RPAP3: variants seen among roughly 807,000 people sequenced by gnomAD.
RPAP3 encodes the protein RNA polymerase II associated protein 3.
A neutral mutation model predicts 88.8 loss-of-function variants in RPAP3; 58 were observed. The ratio of observed to expected loss-of-function variants is 0.65; its 90% confidence interval spans 0.53 to 0.81. RPAP3 has a LOEUF of 0.81. RPAP3 is among the 40% of genes least tolerant of loss of function. The probability of loss-of-function intolerance (pLI) is 0.00; values close to 1 mark genes in which losing one functional copy is unlikely to be tolerated. For synonymous variants in RPAP3, 255 were observed against 259.9 expected (o/e 0.98, Z 0.18); for missense variants, 751 against 764.3 (o/e 0.98, Z 0.20).
intron 5 of RPAP3, among the ~76,000 whole-genome samples, chr12:47,695,072 G>A (rs1592484900): frequency 6.6e-6 from 1 of 152,118 alleles, no homozygotes; most frequent in East Asian, 1.9e-4. Flanking sequence ...AATAAGGAAA[G>A]AAAGGACAGA....
chr12:47,669,870 T>G (rs1213434940), intron 13 of RPAP3, among the ~76,000 whole-genome samples: 1 of 152,122 alleles, frequency 6.6e-6, no homozygotes, highest in Non-Finnish European at 1.5e-5. Flanking sequence ...AAAATCAATT[T>G]TCAAGATACC....
chr12:47,665,469 G>C (rs1057494142), intron 16 of RPAP3, among the ~76,000 whole-genome samples: 1 of 151,270 alleles, frequency 6.6e-6, no homozygotes, highest in Admixed American at 6.6e-5. Context: ...GGGCAGAGTG[G>C]TTGAAAAAAT....
intron 16 of RPAP3, among the ~76,000 whole-genome samples, chr12:47,666,290 C>T (rs1192322482): frequency 6.6e-6 from 1 of 152,164 alleles, no homozygotes; most frequent in Non-Finnish European, 1.5e-5. Context: ...AAAAGAAATA[C>T]AATTCTTCAG....
chr12:47,664,217 G>A (rs1029537104), intron 16 of RPAP3, among the ~76,000 whole-genome samples: 6 of 152,020 alleles, frequency 3.9e-5, no homozygotes, highest in Non-Finnish European at 7.4e-5. Context: ...GTGAAACCCC[G>A]TCTCTACTAA....
At chr12:47,701,020 T>C (rs1327035248) in intron 3 of RPAP3, among the ~76,000 whole-genome samples, 1 of 152,186 alleles carries the variant, frequency 6.6e-6, no homozygotes, top group Non-Finnish European at 1.5e-5. Flanking sequence ...CATATATCTG[T>C]ATCTTAATTG....
In RPAP3 at chr12:47,701,549, T is replaced by C. The variant is rs745374505; in HGVS notation, c.209A>G (p.Lys70Arg). 7.5e-6 allele frequency: 12 copies of C among 1,602,924 alleles called. No individual in the cohort carries two copies. Among genetic ancestry groups the C allele is most frequent in the Middle Eastern group, 1.6e-4 (1 of 6,064 alleles). The change falls in exon 3 of 17, where the codon AAA becomes AGA. Residue 70 changes from lysine to arginine, a missense_variant. Transcript: ENST00000005386. ...NFRKKKKGKA[K>R]ESSKKTREEN... is the part of the protein sequence containing the mutation. Reference sequence around the variant, plus strand: ...CTCTCTGGTTTTTTTGGAAGACTCTTTAGCTTTGCCTTTCTTCTTTTTCCT... The same window carrying C: ...CTCTCTGGTTTTTTTGGAAGACTCTCTAGCTTTGCCTTTCTTCTTTTTCCT...
intron 15 of RPAP3, 33 bp from the exon 16 acceptor site, chr12:47,667,113 A>G: frequency 1.1e-6 from 1 of 947,794 alleles, no homozygotes; most frequent in Non-Finnish European, 1.5e-6. Flanking sequence ...ACAAATGATC[A>G]GTTAAAAGCA....
rs972364364 is a variant in RPAP3, at chr12:47,687,754, T to C, written c.864+122A>G. ...GTCCCAGAGGCTTTAGTGCATTTAATTCCCAATTCCTACTCAAGCAAAACT... is the reference window on the plus strand; with the variant it reads ...GTCCCAGAGGCTTTAGTGCATTTAACTCCCAATTCCTACTCAAGCAAAACT... On this transcript the variant is annotated intron_variant, in intron 8 of 16. Transcript: ENST00000005386. 2.4e-5 allele frequency: 29 copies of C among 1,185,020 alleles called. 1 individual carries two copies. In the East Asian group the frequency reaches 7.0e-4, roughly 28 times the overall value. The allele number at this position is 1,185,020 out of a possible 1,614,324, so 73.4% of individuals were successfully genotyped here. A position where few individuals can be genotyped will look rare whatever the true frequency, so the allele number is the denominator to read the frequency against.
chr12:47,705,020 T>C (rs1040603255), intron 1 of RPAP3, among the ~76,000 whole-genome samples: 6 of 151,872 alleles, frequency 4.0e-5, no homozygotes, highest in Non-Finnish European at 7.4e-5. Context: ...ATGAGTTACG[T>C]AAATGAGATT....
At chr12:47,696,159 A>G (rs1939521643) in intron 5 of RPAP3, 117 bp downstream of exon 5, 1 of 872,156 alleles carries the variant, frequency 1.1e-6, no homozygotes, top group Non-Finnish European at 1.6e-6. Context: ...TACAGTTGAA[A>G]AGAAAATGCA....
At chr12:47,674,995 G>C (rs1939081390) in intron 12 of RPAP3, among the ~76,000 whole-genome samples, 1 of 152,196 alleles carries the variant, frequency 6.6e-6, no homozygotes, top group African/African-American at 2.4e-5. Context: ...GGCAGTCAGA[G>C]AGAAAGGTCG....
rs181070898 is a variant in RPAP3 at position 47,666,887 on chromosome 12, C to G, written c.1912+93G>C. The stretch of plus-strand genomic sequence containing the variant: ...ATATTTAATTAAATATAACCTTATA[C>G]ACAATAAGTAGTCAATAAATGTCAG... On this transcript the variant is annotated intron_variant, in intron 16 of 16. Coordinates refer to ENST00000005386, the MANE Select transcript of RPAP3 (RefSeq NM_024604.3). 3 of 476,086 alleles carry G rather than the reference C, an allele frequency of 6.3e-6. No homozygotes were observed. The Admixed American group carries it at 1.1e-4, about 18-fold the overall frequency. 29.5% of individuals were successfully genotyped at this position (476,086 alleles called of 1,614,324 possible).
intron 4 of RPAP3, 152 bp from the exon 5 acceptor site, chr12:47,696,555 C>T (rs1939531665): frequency 1.9e-6 from 1 of 516,842 alleles, no homozygotes; most frequent in Non-Finnish European, 3.3e-6. Context: ...GCCTCCCCTT[C>T]CACCTTTTCC....
chr12:47,688,935 C>G (rs1404327135), intron 7 of RPAP3, among the ~76,000 whole-genome samples, 190 bp downstream of exon 7: 1 of 152,174 alleles, frequency 6.6e-6, no homozygotes, highest in Admixed American at 6.5e-5. Context: ...ACTTCTAGAA[C>G]AATCAAGGGT....
Position 47,701,456 on chromosome 12 carries a change from T to C in RPAP3, c.294+8A>G. ...AATATTAAGAAGCAAATGACTAGAT[T>C]AACTTACCACATCAAGTTTTGCCCA... is the stretch of plus-strand genomic sequence containing the variant. On this transcript the variant is annotated splice_region_variant and intron_variant, in intron 3 of 16. Transcript: ENST00000005386. The C allele has an allele frequency of 6.4e-7, 1 of 1,552,362 alleles. No individual in the cohort carries two copies. Among genetic ancestry groups the C allele is most frequent in the Non-Finnish European group, 8.7e-7 (1 of 1,155,340 alleles).
At chr12:47,688,140 AT>A in intron 7 of RPAP3, 139 bp from the exon 8 acceptor site, 1 of 758,210 alleles carries the variant, frequency 1.3e-6, no homozygotes, top group Non-Finnish European at 1.9e-6. Flanking sequence ...TTCTGCTCTA[AT>A]TCAAAATCTT....
intron 7 of RPAP3, 85 bp downstream of exon 7, chr12:47,689,040 A>T: frequency 1.5e-6 from 1 of 657,854 alleles, no homozygotes; most frequent in East Asian, 2.9e-5. Context: ...AATATTAAGA[A>T]ATCTATAGTA....
chr12:47,675,274 T>C (rs1229139851), intron 12 of RPAP3, among the ~76,000 whole-genome samples: 1 of 152,120 alleles, frequency 6.6e-6, no homozygotes, highest in Non-Finnish European at 1.5e-5. Context: ...AAACAACCAG[T>C]ACCAGCCACT....
chr12:47,677,729 G>GAAATAAAAGAGGA (rs1279738507), intron 12 of RPAP3, among the ~76,000 whole-genome samples: 28 of 152,002 alleles, frequency 1.8e-4, no homozygotes, highest in African/African-American at 6.8e-4. Flanking sequence ...ACAAACCACT[G>GAAATAAAAGAGGA]CTCAACGAAA....
Sources: gnomAD v4.1 joint callset for allele counts (sites outside exome capture counted in the v4.1 genomes callset) on GRCh38, gnomAD v4.1.1 for gene constraint, MANE v1.5 for transcripts, NCBI Gene and HGNC (gene_info 2026-07-23, HGNC 2026-07-21) for gene names.